The following SPATA17 variants were observed in gnomAD, a reference collection of about 807,000 sequenced individuals.
The protein encoded by SPATA17 is spermatogenesis associated 17.
SPATA17 carries 53 observed loss-of-function variants against 62.2 expected under a neutral mutation model. The observed-to-expected ratio is 0.85, with a 90% CI of 0.68 to 1.07. The LOEUF (loss-of-function observed/expected upper bound fraction) is 1.07, where lower values mean the gene tolerates loss of function less well. Among genes scored for constraint, SPATA17 ranks in the 50% least tolerant of loss-of-function variants. SPATA17 has a pLI of 0.00. For synonymous variants in SPATA17, 146 were observed against 146.8 expected (o/e 0.99, Z 0.04); for missense variants, 466 against 425.5 (o/e 1.10, Z -0.84).
chr1:217,669,142 T>C (rs1443077244), intron 4 of SPATA17, 59 bp downstream of exon 4: 2 of 1,484,870 alleles, frequency 1.3e-6, no homozygotes, highest in Non-Finnish European at 1.9e-6. Context: ...GAATTCGCTT[T>C]TAATAAAATG....
chr1:217,792,867 A>T, intron 8 of SPATA17, among the ~76,000 whole-genome samples: 1 of 152,076 alleles, frequency 6.6e-6, no homozygotes, highest in South Asian at 2.1e-4. Flanking sequence ...CCCTGACTTG[A>T]TGGCTTCTGA....
At chr1:217,800,532 A>G (rs1674283955) in intron 8 of SPATA17, among the ~76,000 whole-genome samples, 1 of 152,156 alleles carries the variant, frequency 6.6e-6, no homozygotes. Flanking sequence ...TCTTATGGAT[A>G]CATGGACTGG....
chr1:217,638,836 A>T (rs1309627785), intron 1 of SPATA17, among the ~76,000 whole-genome samples: 1 of 152,180 alleles, frequency 6.6e-6, no homozygotes, highest in Non-Finnish European at 1.5e-5. Context: ...TAAAAATGTA[A>T]TAGATGAATT....
chr1:217,778,547 G>A lies in SPATA17; in HGVS notation c.724-3627G>A, dbSNP rs149183149. On this transcript the variant is annotated intron_variant, in intron 7 of 10. Coordinates refer to ENST00000366933, the MANE Select transcript of SPATA17 (RefSeq NM_138796.4). ...AAAAATAATAATAATAATAAACCACGTTGCATGCTATATTCATTTGTATAG... is the reference window on the plus strand; with the variant it reads ...AAAAATAATAATAATAATAAACCACATTGCATGCTATATTCATTTGTATAG... 2.3e-3 allele frequency among the ~76,000 whole-genome samples: 349 copies of A among 151,964 alleles called. 4 individuals carry two copies. The highest frequency in any genetic ancestry group is 0.022 in the East Asian group (113 of 5,160).
intron 5 of SPATA17, among the ~76,000 whole-genome samples, chr1:217,708,357 A>G (rs1161645647): frequency 6.6e-6 from 1 of 152,192 alleles, no homozygotes; most frequent in Non-Finnish European, 1.5e-5. Flanking sequence ...ATCAGAAATT[A>G]CAAAGGGAAT....
intron 8 of SPATA17, among the ~76,000 whole-genome samples, chr1:217,783,980 G>T (rs1057355373): frequency 2.0e-5 from 3 of 151,852 alleles, no homozygotes; most frequent in Non-Finnish European, 4.4e-5. Context: ...AGTTGCAGAT[G>T]CTAAAAAAAA....
At chr1:217,749,274 T>C (rs1036068978) in intron 6 of SPATA17, among the ~76,000 whole-genome samples, 1 of 152,184 alleles carries the variant, frequency 6.6e-6, no homozygotes, top group Non-Finnish European at 1.5e-5. Flanking sequence ...GGACCTTTTT[T>C]CCCTCTTTTG....
At chr1:217,718,109 C>T (rs1160269083) in intron 5 of SPATA17, among the ~76,000 whole-genome samples, 1 of 152,144 alleles carries the variant, frequency 6.6e-6, no homozygotes, top group Admixed American at 6.5e-5. Flanking sequence ...AACAACTCTC[C>T]TCTCCCCCTG....
chr1:217,749,890 A>G (rs936428045), intron 6 of SPATA17, among the ~76,000 whole-genome samples: 2 of 148,850 alleles, frequency 1.3e-5, no homozygotes, highest in Non-Finnish European at 3.0e-5. Flanking sequence ...GCTCCTCAAT[A>G]TGAGCATACT....
In SPATA17 at chr1:217,696,681, T is replaced by G. The variant is rs115483507; in HGVS notation, c.395+13320T>G. On this transcript the variant is annotated intron_variant, in intron 5 of 10. Coordinates refer to ENST00000366933, the MANE Select transcript of SPATA17 (RefSeq NM_138796.4). The stretch of plus-strand genomic sequence containing the variant: ...TTGTTCTGGTTGTTTGTATCATATT[T>G]CCTGATTTTTTTCTCGATGTATTTA... Among the ~76,000 whole-genome samples, 1,242 of 152,338 alleles carry G rather than the reference T, an allele frequency of 8.2e-3. 10 individuals are homozygous for G. Among genetic ancestry groups the G allele is most frequent in the African/African-American group, 0.027 (1,113 of 41,576 alleles).
intron 5 of SPATA17, among the ~76,000 whole-genome samples, chr1:217,709,442 G>T (rs1030847313): frequency 3.8e-4 from 57 of 151,922 alleles, no homozygotes; most frequent in African/African-American, 1.2e-3. Flanking sequence ...TTGGCTGATG[G>T]TGTCCCTCAG....
At chr1:217,825,985 C>G (rs1021166081) in intron 9 of SPATA17, among the ~76,000 whole-genome samples, 8 of 152,024 alleles carry the variant, frequency 5.3e-5, no homozygotes, top group Admixed American at 6.6e-5. Flanking sequence ...TATTTTCTAG[C>G]TGGCTTTTGT....
intron 5 of SPATA17, among the ~76,000 whole-genome samples, chr1:217,695,961 GC>G (rs1671446015): frequency 6.8e-6 from 1 of 147,736 alleles, no homozygotes; most frequent in Non-Finnish European, 1.5e-5. Context: ...TCTGTGCCCT[GC>G]CCCCAGAGGT....
At chr1:217,747,242 C>A (rs906530942) in intron 6 of SPATA17, among the ~76,000 whole-genome samples, 2 of 152,096 alleles carry the variant, frequency 1.3e-5, no homozygotes, top group Non-Finnish European at 2.9e-5. Flanking sequence ...CAAACTAAAT[C>A]TAACACATAT....
intron 9 of SPATA17, among the ~76,000 whole-genome samples, chr1:217,829,290 C>G (rs1032020769): frequency 1.3e-5 from 2 of 151,930 alleles, no homozygotes; most frequent in Admixed American, 6.6e-5. Context: ...TTTAGCACAA[C>G]ATAAATGAAC....
chr1:217,705,682 A>G (rs1200563320), intron 5 of SPATA17, among the ~76,000 whole-genome samples: 1 of 151,530 alleles, frequency 6.6e-6, no homozygotes, highest in Non-Finnish European at 1.5e-5. Context: ...CTTGTGATCC[A>G]CCTGCCTCAG....
chr1:217,746,157 G>A (rs566251712), intron 6 of SPATA17, among the ~76,000 whole-genome samples: 1 of 151,994 alleles, frequency 6.6e-6, no homozygotes, highest in East Asian at 1.9e-4. Flanking sequence ...AGCCAAATAA[G>A]AATTGATACT....
At chr1:217,643,356 G>A (rs1319435293) in intron 1 of SPATA17, among the ~76,000 whole-genome samples, 1 of 152,190 alleles carries the variant, frequency 6.6e-6, no homozygotes, top group East Asian at 1.9e-4. Flanking sequence ...CAACTTGGAT[G>A]TTTCCCTCAT....
At chr1:217,663,474 G>A (rs991354402) in intron 3 of SPATA17, among the ~76,000 whole-genome samples, 3 of 151,236 alleles carry the variant, frequency 2.0e-5, no homozygotes, top group African/African-American at 7.3e-5. Context: ...AGTTGATAAT[G>A]ACCAAATTGT....
Sources: gnomAD v4.1 joint callset for allele counts (sites outside exome capture counted in the v4.1 genomes callset) on GRCh38, gnomAD v4.1.1 for gene constraint, MANE v1.5 for transcripts, NCBI Gene and HGNC (gene_info 2026-07-23, HGNC 2026-07-21) for gene names.